DTNA: variants seen among roughly 807,000 people sequenced by gnomAD.
DTNA encodes the protein dystrobrevin alpha.
Under a neutral mutation model 100.7 loss-of-function variants are expected in DTNA, and 43 were observed. The ratio of observed to expected loss-of-function variants is 0.43; its 90% confidence interval spans 0.33 to 0.55. The LOEUF (loss-of-function observed/expected upper bound fraction) is 0.55, where lower values mean the gene tolerates loss of function less well. DTNA is among the 20% of genes least tolerant of loss of function. The pLI is 0.04. For missense variants in DTNA, 798 were observed against 953.9 expected, an observed-to-expected ratio of 0.84 and a Z score of 2.15; for synonymous variants, 349 against 347.9, an observed-to-expected ratio of 1.00 and a Z score of -0.04.
chr18:34,854,821 T>C (rs1305381282), intron 15 of DTNA, among the ~76,000 whole-genome samples: 1 of 152,204 alleles, frequency 6.6e-6, no homozygotes, highest in Non-Finnish European at 1.5e-5. Context: ...GGTTTTTGTT[T>C]TGAGGGGTTG....
At chr18:34,695,744 C>T (rs1000226560) in intron 1 of DTNA, among the ~76,000 whole-genome samples, 1 of 152,182 alleles carries the variant, frequency 6.6e-6, no homozygotes, top group Non-Finnish European at 1.5e-5. Context: ...ATGGAAACAA[C>T]AGGACCAGAT....
At chr18:34,730,142 A>G (rs191570487) in intron 1 of DTNA, among the ~76,000 whole-genome samples, 15 of 152,322 alleles carry the variant, frequency 9.8e-5, no homozygotes, top group African/African-American at 3.4e-4. Flanking sequence ...CTGCAGCACA[A>G]CAAATCCAAG....
In DTNA at chr18:34,815,919, C is replaced by T. The variant is rs201071018; in HGVS notation, c.614C>T (p.Thr205Met). 189 of 1,613,406 alleles carry T rather than the reference C, an allele frequency of 1.2e-4. 1 individual carries two copies. The highest frequency in any genetic ancestry group is 1.7e-4 in the Admixed American group (10 of 59,972). ...GGTTTTTTTATGCAGAAAAAAGTCA[C>T]GTTAAATGGTTTCTTGGACACGCTT... ...RSCFSQQKKV[T>M]LNGFLDTLMS... The change falls in exon 7 of 23, where the codon ACG (threonine) becomes ATG (methionine). Residue 205 changes from threonine (T) to methionine (M), a missense_variant. By Grantham distance (81) the Thr-to-Met change is moderately conservative. This residue lies in a region of DTNA where 81 missense variants were observed against 153.5 expected (regional missense o/e 0.53). Coordinates refer to ENST00000444659, the MANE Select transcript of DTNA (RefSeq NM_001386795.1).
At chr18:34,781,663 T>C (rs1329121050) in intron 3 of DTNA, among the ~76,000 whole-genome samples, 1 of 152,158 alleles carries the variant, frequency 6.6e-6, no homozygotes, top group Non-Finnish European at 1.5e-5. Context: ...TTCTATGCAC[T>C]AGGGAGCTGG....
intron 1 of DTNA, among the ~76,000 whole-genome samples, chr18:34,583,501 C>G (rs2146717546): frequency 1.3e-5 from 2 of 151,632 alleles, no homozygotes; most frequent in South Asian, 4.2e-4. Context: ...AAAGGAACTG[C>G]TATAATGACA....
intron 1 of DTNA, among the ~76,000 whole-genome samples, chr18:34,545,277 A>G (rs1272013012): frequency 6.6e-6 from 1 of 152,096 alleles, no homozygotes; most frequent in East Asian, 1.9e-4. Context: ...GGAAGTCCCA[A>G]TTAATCTTGA....
chr18:34,737,470 T>C (rs2089842340), intron 1 of DTNA, among the ~76,000 whole-genome samples: 1 of 152,208 alleles, frequency 6.6e-6, no homozygotes, highest in Admixed American at 6.5e-5. Flanking sequence ...CTTTTCTTTC[T>C]AAGTAGTTCA....
At chr18:34,757,310 C>G (rs887053254) in intron 2 of DTNA, 2 of 152,072 alleles carry the variant, frequency 1.3e-5, no homozygotes, top group African/African-American at 4.8e-5. Context: ...TCCATCTAAA[C>G]AAAATCCAAA....
intron 1 of DTNA, among the ~76,000 whole-genome samples, chr18:34,652,054 C>T (rs534442924): frequency 2.0e-5 from 3 of 149,736 alleles, no homozygotes; most frequent in Admixed American, 6.7e-5. Context: ...TGACAGATTG[C>T]GACCCTGTCT....
chr18:34,537,682 G>A (rs1485651175), intron 1 of DTNA, among the ~76,000 whole-genome samples: 2 of 151,762 alleles, frequency 1.3e-5, no homozygotes, highest in Non-Finnish European at 2.9e-5. Context: ...CAGAAGATAG[G>A]TCTGCAGTAA....
At chr18:34,772,318 A>C (rs2093816534) in intron 3 of DTNA, among the ~76,000 whole-genome samples, 1 of 152,198 alleles carries the variant, frequency 6.6e-6, no homozygotes, top group East Asian at 1.9e-4. Context: ...TCCTTCATTC[A>C]GATATGTTAA....
chr18:34,727,294 G>A (rs934087681), intron 1 of DTNA, among the ~76,000 whole-genome samples: 1 of 152,064 alleles, frequency 6.6e-6, no homozygotes, highest in African/African-American at 2.4e-5. Flanking sequence ...CCATTGTCTT[G>A]GCTTGATAAT....
chr18:34,570,875 C>A (rs2047522420), intron 1 of DTNA, among the ~76,000 whole-genome samples: 1 of 152,046 alleles, frequency 6.6e-6, no homozygotes, highest in African/African-American at 2.4e-5. Context: ...GAGTGGGCTC[C>A]AGGGGAGGAG....
chr18:34,547,070 A>G (rs2044863664), intron 1 of DTNA, among the ~76,000 whole-genome samples: 1 of 152,122 alleles, frequency 6.6e-6, no homozygotes. Context: ...TATAGAAAGA[A>G]TAAGTGTAAT....
At chr18:34,593,896 G>A (rs1047811440) in intron 1 of DTNA, among the ~76,000 whole-genome samples, 6 of 152,000 alleles carry the variant, frequency 3.9e-5, no homozygotes, top group Non-Finnish European at 8.8e-5. Flanking sequence ...CTATATTATT[G>A]TGAGATGGAG....
intron 1 of DTNA, among the ~76,000 whole-genome samples, chr18:34,629,713 C>T (rs149181106): frequency 0.015 from 2,289 of 152,324 alleles, 46 homozygotes; most frequent in Non-Finnish European, 0.018. Flanking sequence ...TGGTCAACTA[C>T]AACCCAGCAT....
chr18:34,583,098 T>G (rs1225783384), intron 1 of DTNA, among the ~76,000 whole-genome samples: 3 of 152,366 alleles, frequency 2.0e-5, no homozygotes, highest in Non-Finnish European at 2.9e-5. Context: ...AGGAAGGAAT[T>G]ATTTATAATT....
intron 1 of DTNA, among the ~76,000 whole-genome samples, chr18:34,741,932 G>T (rs1301276923): frequency 6.6e-6 from 1 of 152,200 alleles, no homozygotes; most frequent in East Asian, 1.9e-4. Context: ...TTAAATTTGA[G>T]TTCTTTAAAT....
chr18:34,585,048 A>G (rs1292396651), intron 1 of DTNA, among the ~76,000 whole-genome samples: 1 of 152,226 alleles, frequency 6.6e-6, no homozygotes, highest in Non-Finnish European at 1.5e-5. Context: ...AATATTTTCA[A>G]ACATTTAAGT....
Sources: allele counts gnomAD v4.1 joint callset (sites outside exome capture counted in the v4.1 genomes callset), GRCh38; gene constraint gnomAD v4.1.1; regional missense constraint gnomAD v4.1.1; transcripts MANE v1.5; gene names NCBI Gene and HGNC (gene_info 2026-07-23, HGNC 2026-07-21).